Variants in PCDHGB2 observed in about 807,000 individuals in gnomAD.
PCDHGB2 encodes the protein protocadherin gamma subfamily B, 2.
A neutral mutation model predicts 59.3 loss-of-function variants in PCDHGB2; 55 were observed. That is an observed-to-expected ratio of 0.93 (90% confidence interval 0.75 to 1.16). The LOEUF is 1.16. Ranked by LOEUF, PCDHGB2 falls within the 50% of genes most tolerant of loss-of-function variation. PCDHGB2 has a pLI of 0.00. For missense variants in PCDHGB2, 1,228 were observed against 1,198.5 expected, an observed-to-expected ratio of 1.02 and a Z score of -0.36; for synonymous variants, 516 against 512.0, an observed-to-expected ratio of 1.01 and a Z score of -0.11.
intron 1 of PCDHGB2, 76 bp downstream of exon 1, chr5:141,362,632 T>A: frequency 1.3e-6 from 2 of 1,490,270 alleles, no homozygotes; most frequent in Non-Finnish European, 1.8e-6. Context: ...CCACTGCGTA[T>A]TTCTTTGTCT....
intron 1 of PCDHGB2, chr5:141,383,556 C>G: frequency 6.2e-7 from 1 of 1,612,766 alleles, no homozygotes; most frequent in Non-Finnish European, 8.5e-7. Flanking sequence ...ATGGCGGCGA[C>G]CCGCCCCGAT....
In PCDHGB2 at chr5:141,423,756, G is replaced by A. The variant is rs544048105; in HGVS notation, c.2421+61200G>A. 1.6e-5 allele frequency: 7 copies of A among 448,620 alleles called. 1 individual carries two copies. Among genetic ancestry groups the A allele is most frequent in the Non-Finnish European group, 2.1e-5 (7 of 329,706 alleles). 27.8% of individuals were successfully genotyped at this position (448,620 alleles called of 1,614,324 possible). A position where few individuals can be genotyped will look rare whatever the true frequency, so the allele number is the denominator to read the frequency against. ...GCCTGTTATGAAAACTGTTTGGGGG[G>A]GGGGTGGGGCGGCATATATTTAGTT... On this transcript the variant is annotated intron_variant, in intron 1 of 3. Coordinates refer to ENST00000522605, the MANE Select transcript of PCDHGB2 (RefSeq NM_018923.3).
intron 1 of PCDHGB2, chr5:141,419,487 G>T: frequency 6.2e-7 from 1 of 1,612,378 alleles, no homozygotes. Context: ...CCCGCGCTCA[G>T]CGCCAATGTG....
chr5:141,362,137 C>T lies in PCDHGB2; in HGVS notation c.2002C>T (p.Leu668=), dbSNP rs1458069955. 1 of 1,614,034 alleles carries T rather than the reference C, an allele frequency of 6.2e-7. No individual in the cohort carries two copies. Among genetic ancestry groups the T allele is most frequent in the Admixed American group, 1.7e-5 (1 of 60,036 alleles). Residue 668 remains leucine (L), a synonymous_variant, in exon 1 of 4, where the codon CTG becomes TTG. Coordinates refer to ENST00000522605, the MANE Select transcript of PCDHGB2 (RefSeq NM_018923.3). ...GCTGCACCTAATCTTCGCGGATAGC[C>T]TGCAAGAGGTATTGCCAGACCTCAG... ...ATLHLIFADS[L]QEVLPDLSDR... is the part of the protein sequence containing the mutation.
chr5:141,415,717 A>G, intron 1 of PCDHGB2: 1 of 839,652 alleles, frequency 1.2e-6, no homozygotes, highest in Non-Finnish European at 1.8e-6. Flanking sequence ...AACACTGATG[A>G]GTAGAATTTG....
chr5:141,433,641 G>T (rs1177387884), intron 1 of PCDHGB2, among the ~76,000 whole-genome samples: 1 of 152,104 alleles, frequency 6.6e-6, no homozygotes, highest in Admixed American at 6.5e-5. Flanking sequence ...TTTGAGACCA[G>T]CCTGACCAAC....
intron 1 of PCDHGB2, chr5:141,383,770 A>G (rs776707003): frequency 6.2e-7 from 1 of 1,613,890 alleles, no homozygotes; most frequent in East Asian, 2.2e-5. Context: ...ACTTCCAAAG[A>G]TGTTTCATCT....
intron 1 of PCDHGB2, among the ~76,000 whole-genome samples, chr5:141,456,244 T>C (rs1382294283): frequency 6.6e-6 from 1 of 152,144 alleles, no homozygotes; most frequent in East Asian, 1.9e-4. Context: ...GTTAGGAGGC[T>C]TTGGGCGACC....
At chr5:141,414,762 T>G in intron 1 of PCDHGB2, 1 of 1,614,210 alleles carries the variant, frequency 6.2e-7, no homozygotes. Context: ...ATGAGCAGTT[T>G]CATGAGCTAC....
intron 1 of PCDHGB2, among the ~76,000 whole-genome samples, chr5:141,466,725 G>A (rs1184472416): frequency 2.6e-5 from 4 of 152,024 alleles, no homozygotes; most frequent in Non-Finnish European, 5.9e-5. Context: ...TTCCATTTTA[G>A]CAGAATTCAT....
At chr5:141,453,178 A>G (rs939398654) in intron 1 of PCDHGB2, among the ~76,000 whole-genome samples, 1 of 152,128 alleles carries the variant, frequency 6.6e-6, no homozygotes, top group African/African-American at 2.4e-5. Flanking sequence ...CAGTGGTACA[A>G]TCACAGCTCA....
chr5:141,403,302 A>G (rs1195717654), intron 1 of PCDHGB2: 1 of 1,613,904 alleles, frequency 6.2e-7, no homozygotes, highest in East Asian at 2.2e-5. Flanking sequence ...GTGAAACTGT[A>G]CGGAATAGAA....
rs202162316 is a variant in PCDHGB2, at chr5:141,490,194, T to C, written c.2422-4613T>C. ...TTGAGGAGTCACGTTTCTATGAAAT[T>C]CATGCAAGAGCCCGTGACCAGGGAC... is the stretch of plus-strand genomic sequence containing the variant. On this transcript the variant is annotated intron_variant, in intron 1 of 3. Transcript: ENST00000522605. The surrounding 1 kb of genome is among the most constrained non-coding windows in gnomAD (Gnocchi z 5.4). The C allele has an allele frequency of 8.1e-6, 13 of 1,614,186 alleles. No individual in the cohort carries two copies. The highest frequency in any genetic ancestry group is 1.1e-5 in the Non-Finnish European group (13 of 1,180,030).
At chr5:141,410,903 G>C (rs191165984) in intron 1 of PCDHGB2, 2 of 276,978 alleles carry the variant, frequency 7.2e-6, no homozygotes, top group South Asian at 4.9e-5. Context: ...GCCTAGGCTG[G>C]AGTGCAGTGG....
intron 1 of PCDHGB2, among the ~76,000 whole-genome samples, chr5:141,494,338 ACAG>A (rs2099753688): frequency 6.6e-6 from 1 of 152,224 alleles, no homozygotes; most frequent in African/African-American, 2.4e-5. Flanking sequence ...GTTACCAAGA[ACAG>A]CAGCCATCTT....
chr5:141,430,707 C>T, intron 1 of PCDHGB2: 2 of 1,478,562 alleles, frequency 1.4e-6, no homozygotes, highest in Non-Finnish European at 9.0e-7. Flanking sequence ...GGAACTGCTC[C>T]TGACTTCAGT....
At chr5:141,376,159 C>T (rs1772345017) in intron 1 of PCDHGB2, 2 of 1,614,084 alleles carry the variant, frequency 1.2e-6, no homozygotes, top group Non-Finnish European at 8.5e-7. Context: ...TCACTCTGTA[C>T]CTGGTGGTGG....
At chr5:141,441,848 T>C (rs1034278597) in intron 1 of PCDHGB2, 2 of 356,906 alleles carry the variant, frequency 5.6e-6, no homozygotes, top group South Asian at 2.4e-5. Context: ...CTCTTGGATA[T>C]GGTGCTGCAC....
At chr5:141,393,909 A>G (rs2092874602) in intron 1 of PCDHGB2, 1 of 1,613,980 alleles carries the variant, frequency 6.2e-7, no homozygotes, top group Non-Finnish European at 8.5e-7. Flanking sequence ...CGGGACAGTA[A>G]TTGCCTTCTT....
Sources: gnomAD v4.1 joint callset for allele counts (sites outside exome capture counted in the v4.1 genomes callset) on GRCh38, gnomAD v4.1.1 for gene constraint, Gnocchi (gnomAD v3.1) non-coding constraint, MANE v1.5 for transcripts, NCBI Gene and HGNC (gene_info 2026-07-23, HGNC 2026-07-21) for gene names.